GSE1: variants seen among roughly 807,000 people sequenced by gnomAD.
The protein encoded by GSE1 is genetic suppressor element 1.
GSE1 carries 32 observed loss-of-function variants against 112.6 expected under a neutral mutation model. The observed-to-expected ratio is 0.28, with a 90% CI of 0.21 to 0.38. GSE1 has a LOEUF of 0.38. Among genes scored for constraint, GSE1 ranks in the 10% least tolerant of loss-of-function variants. The pLI is 1.00. For missense variants in GSE1, 2,348 were observed against 1,699.2 expected, an observed-to-expected ratio of 1.38 and a Z score of -6.71; for synonymous variants, 1,115 against 735.6, an observed-to-expected ratio of 1.52 and a Z score of -8.35.
chr16:85,353,245 A>G (rs2046886069), intron 1 of GSE1, among the ~76,000 whole-genome samples: 1 of 152,066 alleles, frequency 6.6e-6, no homozygotes, highest in African/African-American at 2.4e-5. Context: ...CCACCTCCAC[A>G]CTCACTTGGG....
intron 3 of GSE1, 147 bp from the exon 4 acceptor site, chr16:85,654,131 G>A (rs2051691616): frequency 1.1e-5 from 8 of 727,008 alleles, no homozygotes; most frequent in South Asian, 1.9e-5. Context: ...CATGCACCAT[G>A]TTTTGCGTAG....
chr16:85,212,536 G>C (rs1168633419), intron 1 of GSE1, among the ~76,000 whole-genome samples: 2 of 152,238 alleles, frequency 1.3e-5, no homozygotes, highest in African/African-American at 4.8e-5. Flanking sequence ...GACCGTGTAA[G>C]GACATGGGGA....
rs2151922888 is a variant in GSE1 at position 85,654,895 on chromosome 16, C to T, written c.701C>T (p.Ser234Phe). Residue 234 changes from serine to phenylalanine, a missense_variant, in exon 5 of 16, where the codon TCC becomes TTC. Physicochemically the swap from Ser to Phe is radical, Grantham distance 155 (BLOSUM62 -2). Transcript: ENST00000253458. ...PYHTTDDLRM[S>F]SLPPLGLDPA... ...CACACCACCGACGACCTCCGCATGT[C>T]CTCACTGCCTCCCCTCGGCCTGGAC... The T allele has an allele frequency of 1.2e-6, 2 of 1,611,796 alleles. No homozygotes were observed. The highest frequency in any genetic ancestry group is 1.7e-6 in the Non-Finnish European group (2 of 1,179,396).
chr16:85,665,299 G>A (rs1293528764), intron 12 of GSE1, among the ~76,000 whole-genome samples, 171 bp downstream of exon 12: 3 of 152,150 alleles, frequency 2.0e-5, no homozygotes, highest in Non-Finnish European at 4.4e-5. Context: ...CAGTCATTGG[G>A]ACGGAACGTC....
intron 1 of GSE1, among the ~76,000 whole-genome samples, chr16:85,590,399 CAT>C (rs1567622435): frequency 6.9e-6 from 1 of 145,824 alleles, no homozygotes; most frequent in Admixed American, 6.8e-5. Context: ...ACATGTGTGA[CAT>C]TGTGTGTGTG....
At chr16:85,533,374 C>T (rs946284264) in intron 2 of GSE1, among the ~76,000 whole-genome samples, 2 of 151,790 alleles carry the variant, frequency 1.3e-5, no homozygotes, top group African/African-American at 4.8e-5. Flanking sequence ...GAGCCGAGAT[C>T]GCACCATTGC....
intron 1 of GSE1, among the ~76,000 whole-genome samples, chr16:85,616,644 C>A (rs1246351697): frequency 6.6e-6 from 1 of 152,064 alleles, no homozygotes; most frequent in Non-Finnish European, 1.5e-5. Context: ...TTGCAGGTGA[C>A]ATTTCAGCTT....
chr16:85,323,888 C>T (rs1348891302), intron 1 of GSE1, among the ~76,000 whole-genome samples: 4 of 152,230 alleles, frequency 2.6e-5, no homozygotes, highest in Non-Finnish European at 5.9e-5. Context: ...TGGCCGCCTG[C>T]CACACAGCTT....
intron 1 of GSE1, among the ~76,000 whole-genome samples, chr16:85,299,574 G>C (rs2045460568): frequency 1.3e-5 from 2 of 152,206 alleles, no homozygotes; most frequent in Admixed American, 6.5e-5. Flanking sequence ...TGTCACACCT[G>C]AGCCCTCTGC....
chr16:85,224,209 A>T (rs115428181), intron 1 of GSE1, among the ~76,000 whole-genome samples: 6 of 147,972 alleles, frequency 4.1e-5, no homozygotes, highest in Non-Finnish European at 7.4e-5. Flanking sequence ...CTGTAGAAAA[A>T]CCTGCCCTTG....
At chr16:85,598,246 T>C (rs1181372111) in intron 1 of GSE1, among the ~76,000 whole-genome samples, 1 of 150,838 alleles carries the variant, frequency 6.6e-6, no homozygotes, top group Non-Finnish European at 1.5e-5. Flanking sequence ...AGAAGGTTCT[T>C]TGCAGCTGGC....
intron 1 of GSE1, among the ~76,000 whole-genome samples, chr16:85,176,885 C>T (rs1057172891): frequency 1.3e-5 from 2 of 152,264 alleles, no homozygotes; most frequent in African/African-American, 4.8e-5. Flanking sequence ...GTTCCCTGCT[C>T]CTCAGGGGGC....
chr16:85,609,161 T>A (rs562508868), upstream of GSE1, among the ~76,000 whole-genome samples: 1 of 152,286 alleles, frequency 6.6e-6, no homozygotes, highest in East Asian at 1.9e-4. Context: ...CCCCTTGCCT[T>A]CCAAATTTCC....
chr16:85,187,892 C>CA (rs2074739986), intron 1 of GSE1, among the ~76,000 whole-genome samples: 1 of 152,250 alleles, frequency 6.6e-6, no homozygotes, highest in South Asian at 2.1e-4. Context: ...AGGCCCCACT[C>CA]AAAGGCCGTG....
intron 1 of GSE1, chr16:85,279,055 G>A (rs1037340853): frequency 2.6e-5 from 4 of 152,298 alleles, no homozygotes; most frequent in Non-Finnish European, 5.9e-5. Context: ...TATCGTCCTT[G>A]ATAGGGACAT....
chr16:85,358,486 C>T (rs1425896028), intron 2 of GSE1, among the ~76,000 whole-genome samples: 3 of 152,180 alleles, frequency 2.0e-5, no homozygotes. Flanking sequence ...CCAGCCCGCC[C>T]CTGGTGCCAA....
At chr16:85,332,348 C>A (rs544669908) in intron 1 of GSE1, among the ~76,000 whole-genome samples, 1 of 152,306 alleles carries the variant, frequency 6.6e-6, no homozygotes, top group East Asian at 1.9e-4. Flanking sequence ...CTAAGGAATG[C>A]GGTACATACC....
intron 2 of GSE1, among the ~76,000 whole-genome samples, chr16:85,482,848 G>A (rs1411876513): frequency 6.6e-6 from 1 of 152,064 alleles, no homozygotes; most frequent in African/African-American, 2.4e-5. Context: ...CATGGTGGAG[G>A]GTGCCTGTAA....
At chr16:85,585,057 C>CCT (rs1327315860) in intron 1 of GSE1, among the ~76,000 whole-genome samples, 2 of 151,752 alleles carry the variant, frequency 1.3e-5, no homozygotes, top group African/African-American at 4.9e-5. Context: ...CTTTCACTGA[C>CCT]GGGAAAGAAA....
Sources: gnomAD v4.1 joint callset for allele counts (sites outside exome capture counted in the v4.1 genomes callset) on GRCh38, gnomAD v4.1.1 for gene constraint, MANE v1.5 for transcripts, NCBI Gene and HGNC (gene_info 2026-07-23, HGNC 2026-07-21) for gene names.